Variants in TAFA1 observed in about 807,000 individuals in gnomAD.
The protein encoded by TAFA1 is chemokine-like protein TAFA-1.
In TAFA1, 4 loss-of-function variants were observed where a neutral mutation model predicts 18.5. The observed-to-expected ratio is 0.22, with a 90% confidence interval of 0.11 to 0.49. The LOEUF is 0.49. TAFA1 is among the 20% of genes least tolerant of loss of function. The pLI is 0.98. For synonymous variants in TAFA1, 56 were observed against 55.2 expected (o/e 1.01, Z -0.06); for missense variants, 147 against 169.0 (o/e 0.87, Z 0.72).
chr3:68,173,860 C>T (rs2066089913), intron 2 of TAFA1, among the ~76,000 whole-genome samples: 1 of 151,286 alleles, frequency 6.6e-6, no homozygotes, highest in African/African-American at 2.4e-5. Context: ...GTAGAACTGC[C>T]ACTTAAACAA....
intron 2 of TAFA1, among the ~76,000 whole-genome samples, chr3:68,232,014 A>C (rs1575694674): frequency 6.6e-6 from 1 of 152,200 alleles, no homozygotes; most frequent in African/African-American, 2.4e-5. Context: ...GCAGTGATAA[A>C]TCAGGGTAAT....
intron 3 of TAFA1, among the ~76,000 whole-genome samples, chr3:68,529,700 G>C (rs1231894293): frequency 6.6e-6 from 1 of 152,166 alleles, no homozygotes; most frequent in Non-Finnish European, 1.5e-5. Context: ...ACATGGCAGA[G>C]AGGAAGCAAG....
At chr3:68,458,789 T>C (rs1269925336) in intron 3 of TAFA1, among the ~76,000 whole-genome samples, 1 of 136,098 alleles carries the variant, frequency 7.3e-6, no homozygotes, top group Non-Finnish European at 1.6e-5. Flanking sequence ...TGCTTCCCAC[T>C]TTTTTTTTTT....
intron 2 of TAFA1, among the ~76,000 whole-genome samples, chr3:68,259,283 C>A (rs2107188282): frequency 6.6e-6 from 1 of 152,234 alleles, no homozygotes; most frequent in African/African-American, 2.4e-5. Context: ...AACAATGTAA[C>A]ACTTGTGGAA....
chr3:68,194,617 T>G (rs897383439), intron 2 of TAFA1, among the ~76,000 whole-genome samples: 1 of 151,776 alleles, frequency 6.6e-6, no homozygotes, highest in Non-Finnish European at 1.5e-5. Flanking sequence ...TAAGAAATAA[T>G]GTACCTTCAG....
intron 3 of TAFA1, among the ~76,000 whole-genome samples, chr3:68,499,446 C>CTTTTT (rs752597708): frequency 1.1e-3 from 121 of 112,114 alleles, no homozygotes; most frequent in East Asian, 2.5e-3. Context: ...GTGTTCCTTT[C>CTTTTT]TTTTTTTTTT....
intron 2 of TAFA1, among the ~76,000 whole-genome samples, chr3:68,360,107 A>G (rs1045379652): frequency 6.6e-6 from 1 of 151,932 alleles, no homozygotes; most frequent in African/African-American, 2.4e-5. Flanking sequence ...TCCCTCTTGA[A>G]CAATAAAAGT....
At chr3:68,257,914 C>A (rs1041915606) in intron 2 of TAFA1, among the ~76,000 whole-genome samples, 21 of 152,108 alleles carry the variant, frequency 1.4e-4, no homozygotes, top group South Asian at 2.1e-4. Flanking sequence ...AAATTCATAA[C>A]CCCAGCCTAA....
chr3:68,404,664 G>A (rs905646206), intron 2 of TAFA1, among the ~76,000 whole-genome samples: 6 of 152,180 alleles, frequency 3.9e-5, no homozygotes, highest in African/African-American at 1.4e-4. Flanking sequence ...AGGCGTGGTG[G>A]CAGGTGCCTG....
At chr3:68,125,918 T>G (rs2065458779) in intron 2 of TAFA1, among the ~76,000 whole-genome samples, 1 of 152,124 alleles carries the variant, frequency 6.6e-6, no homozygotes, top group South Asian at 2.1e-4. Flanking sequence ...ATGCAGCCCC[T>G]CATCCTCCAG....
chr3:68,184,037 A>G (rs1380602127), intron 2 of TAFA1, among the ~76,000 whole-genome samples: 1 of 152,106 alleles, frequency 6.6e-6, no homozygotes, highest in Non-Finnish European at 1.5e-5. Context: ...TGAACAAAAA[A>G]CTCAAATGTC....
At chr3:68,398,126 A>G (rs750365810) in intron 2 of TAFA1, among the ~76,000 whole-genome samples, 1 of 152,198 alleles carries the variant, frequency 6.6e-6, no homozygotes, top group Non-Finnish European at 1.5e-5. Context: ...AATCCTAAAC[A>G]AAAAGAACAA....
At chr3:68,319,315 A>G (rs1203082640) in intron 2 of TAFA1, among the ~76,000 whole-genome samples, 1 of 152,218 alleles carries the variant, frequency 6.6e-6, no homozygotes, top group Non-Finnish European at 1.5e-5. Flanking sequence ...GCGATTCTCA[A>G]CCAGGGGCTA....
intron 2 of TAFA1, among the ~76,000 whole-genome samples, chr3:68,162,338 T>C (rs1386191548): frequency 1.3e-5 from 2 of 152,134 alleles, no homozygotes; most frequent in African/African-American, 4.8e-5. Flanking sequence ...CATCAGGCAT[T>C]AGTTAGATTC....
At chr3:68,349,476 AAC>A (rs201709644) in intron 2 of TAFA1, among the ~76,000 whole-genome samples, 1,540 of 152,184 alleles carry the variant, frequency 0.01, 25 homozygotes, top group African/African-American at 0.036. Context: ...AGGAAGAGTT[AAC>A]AGTCACAGAT....
Position 68,255,343 on chromosome 3 carries a change from C to T in TAFA1, c.119-161937C>T, listed in dbSNP as rs1165395858. ...GTGTTCAATTTAGAAAAACATAATC[C>T]ATTTACATTTATTGGTTCGGTTCTG... On this transcript the variant is annotated intron_variant, in intron 2 of 4. Transcript: ENST00000478136. 2.0e-5 allele frequency among the ~76,000 whole-genome samples: 3 copies of T among 151,916 alleles called. No homozygotes were observed. In the East Asian group the frequency reaches 5.8e-4, roughly 29 times the overall value.
At chr3:68,223,526 T>G (rs1183583559) in intron 2 of TAFA1, among the ~76,000 whole-genome samples, 1 of 102,234 alleles carries the variant, frequency 9.8e-6, no homozygotes, top group African/African-American at 3.4e-5. Flanking sequence ...ATAAGCCTGT[T>G]AGGACCATTT....
intron 2 of TAFA1, among the ~76,000 whole-genome samples, chr3:68,052,949 C>T (rs2064490100): frequency 6.6e-6 from 1 of 152,174 alleles, no homozygotes; most frequent in Admixed American, 6.6e-5. Flanking sequence ...TTCATTTTCA[C>T]TGCCACAAGC....
At chr3:68,487,306 A>G (rs1303432464) in intron 3 of TAFA1, among the ~76,000 whole-genome samples, 1 of 152,184 alleles carries the variant, frequency 6.6e-6, no homozygotes, top group East Asian at 1.9e-4. Context: ...TTTATTATTT[A>G]AAAGCTCTAG....
Sources: allele counts gnomAD v4.1 joint callset (sites outside exome capture counted in the v4.1 genomes callset), GRCh38; gene constraint gnomAD v4.1.1; transcripts MANE v1.5; gene names NCBI Gene and HGNC (gene_info 2026-07-23, HGNC 2026-07-21).